MBNL2: variants seen among roughly 807,000 people sequenced by gnomAD.
MBNL2 encodes muscleblind-like protein 2.
A neutral mutation model predicts 41.9 loss-of-function variants in MBNL2; 17 were observed. The observed-to-expected ratio is 0.41, with a 90% CI of 0.28 to 0.61. MBNL2 has a LOEUF of 0.61. MBNL2 is among the 20% of genes least tolerant of loss of function. The pLI, the probability that MBNL2 is intolerant of heterozygous loss-of-function variation, is 0.35. For missense variants in MBNL2, 336 were observed against 505.6 expected, an observed-to-expected ratio of 0.66 and a Z score of 3.22; for synonymous variants, 195 against 182.9, an observed-to-expected ratio of 1.07 and a Z score of -0.53.
the MBNL2 span, among the ~76,000 whole-genome samples, chr13:97,157,335 T>G: frequency 6.7e-6 from 1 of 149,108 alleles, no homozygotes; most frequent in Admixed American, 6.8e-5. Flanking sequence ...TCATGTCATC[T>G]GCAAACAGGG....
chr13:97,391,040 G>C (rs1276161384), intron 8 of MBNL2, among the ~76,000 whole-genome samples: 1 of 152,078 alleles, frequency 6.6e-6, no homozygotes, highest in Admixed American at 6.6e-5. Context: ...AAGAAATTGT[G>C]GTCTAAACAT....
chr13:97,308,948 T>C (rs753057212), intron 2 of MBNL2, among the ~76,000 whole-genome samples: 25 of 152,086 alleles, frequency 1.6e-4, no homozygotes, highest in Non-Finnish European at 3.4e-4. Context: ...TGAGCGGGAC[T>C]GAGGAGTCAT....
In MBNL2 at chr13:97,368,606, A is replaced by G. The variant is rs561596809; in HGVS notation, c.1048+3435A>G. Among the ~76,000 whole-genome samples the G allele has an allele frequency of 3.4e-5, 4 of 119,134 alleles. No individual in the cohort carries two copies. The East Asian group carries it at 1.2e-3, about 35-fold the overall frequency. 78.2% of individuals were successfully genotyped at this position (119,134 alleles called of 152,430 possible). A position where few individuals can be genotyped will look rare whatever the true frequency, so the allele number is the denominator to read the frequency against. ...ATTTTAGCATAATAAATATTTGACCATGTGTCATATATATTGTTCAAGCCT... is the reference window on the plus strand; with the variant it reads ...ATTTTAGCATAATAAATATTTGACCGTGTGTCATATATATTGTTCAAGCCT... On this transcript the variant is annotated intron_variant, in intron 8 of 8. Transcript: ENST00000679496.
chr13:97,296,699 A>G (rs1877605692), intron 2 of MBNL2, among the ~76,000 whole-genome samples: 2 of 152,202 alleles, frequency 1.3e-5, no homozygotes, highest in African/African-American at 4.8e-5. Context: ...AGAGAAAAAT[A>G]CTATTACCAG....
chr13:97,260,834 C>T (rs549883679), intron 1 of MBNL2, among the ~76,000 whole-genome samples: 49 of 152,288 alleles, frequency 3.2e-4, no homozygotes, highest in African/African-American at 1.2e-3. Flanking sequence ...CTTCCCCATC[C>T]ACAGATATGC....
At chr13:97,229,494 G>T (rs764281606) in intron 1 of MBNL2, among the ~76,000 whole-genome samples, 2 of 152,116 alleles carry the variant, frequency 1.3e-5, no homozygotes, top group East Asian at 3.8e-4. Flanking sequence ...ATATTAGCAG[G>T]GTTATGCAAG....
intron 2 of MBNL2, among the ~76,000 whole-genome samples, chr13:97,325,667 C>A (rs979277341): frequency 2.0e-5 from 3 of 152,132 alleles, no homozygotes; most frequent in African/African-American, 7.2e-5. Context: ...GAGGTCGAGA[C>A]TGCAGTGAGC....
Position 97,392,490 on chromosome 13 carries a change from C to T in MBNL2, c.*1041C>T, listed in dbSNP as rs1299961380. On this transcript the variant is annotated 3_prime_UTR_variant, in exon 9 of 9. Transcript: ENST00000679496. ...GACTACAGCATGGAAAAAAATAGTT[C>T]TTTTAATTCTTTCACCTTAAAGCAT... 6.6e-6 allele frequency: 1 copy of T among 152,396 alleles called. No individual in the cohort carries two copies. Among genetic ancestry groups the T allele is most frequent in the Admixed American group, 6.6e-5 (1 of 15,238 alleles). 9.4% of individuals were successfully genotyped at this position (152,396 alleles called of 1,614,324 possible).
intron 3 of MBNL2, among the ~76,000 whole-genome samples, chr13:97,339,030 G>T (rs2061145065): frequency 9.2e-6 from 1 of 108,824 alleles, no homozygotes; most frequent in Admixed American, 9.1e-5. Context: ...GTATGAATGT[G>T]TAGTTAGTGT....
intron 1 of MBNL2, among the ~76,000 whole-genome samples, chr13:97,258,519 C>G (rs1196517731): frequency 6.6e-6 from 1 of 152,122 alleles, no homozygotes; most frequent in Non-Finnish European, 1.5e-5. Flanking sequence ...TCTGCTTTTT[C>G]TGCTGAAGTC....
At chr13:97,316,264 C>T (rs1281068041) in intron 2 of MBNL2, among the ~76,000 whole-genome samples, 1 of 152,198 alleles carries the variant, frequency 6.6e-6, no homozygotes, top group African/African-American at 2.4e-5. Context: ...CACCTTCCTC[C>T]ACTGCCAGCA....
chr13:97,166,782 TGATAGATAGATAGATA>T, the MBNL2 span, among the ~76,000 whole-genome samples: 452 of 139,982 alleles, frequency 3.2e-3, 4 homozygotes, highest in East Asian at 0.013. Context: ...AAACTTCCCT[TGATAGATAGATAGATA>T]GATAGATAGA....
At chr13:97,313,150 GA>G (rs2058750950) in intron 2 of MBNL2, among the ~76,000 whole-genome samples, 1 of 152,184 alleles carries the variant, frequency 6.6e-6, no homozygotes, top group Non-Finnish European at 1.5e-5. Context: ...CCATGAATTG[GA>G]AAGTGGAGGC....
chr13:97,234,638 G>C (rs958780062), intron 1 of MBNL2, among the ~76,000 whole-genome samples: 1 of 152,106 alleles, frequency 6.6e-6, no homozygotes, highest in Non-Finnish European at 1.5e-5. Flanking sequence ...GGCAATGTGC[G>C]GGACACTGGC....
At chr13:97,193,604 T>TTACC in the MBNL2 span, among the ~76,000 whole-genome samples, 1 of 152,218 alleles carries the variant, frequency 6.6e-6, no homozygotes, top group Non-Finnish European at 1.5e-5. Flanking sequence ...TTTGGGATTT[T>TTACC]GTGGGGATTA....
intron 2 of MBNL2, among the ~76,000 whole-genome samples, chr13:97,281,637 C>A (rs1044024225): frequency 6.6e-6 from 1 of 152,150 alleles, no homozygotes; most frequent in Admixed American, 6.5e-5. Context: ...GCAGTGAATT[C>A]TTTGCAGAAA....
the MBNL2 span, among the ~76,000 whole-genome samples, chr13:97,170,041 G>A: frequency 6.6e-6 from 1 of 152,174 alleles, no homozygotes; most frequent in Non-Finnish European, 1.5e-5. Flanking sequence ...CTGCATGACT[G>A]AAATTATTAT....
intron 2 of MBNL2, among the ~76,000 whole-genome samples, chr13:97,311,959 A>T (rs2058652530): frequency 6.6e-6 from 1 of 152,130 alleles, no homozygotes; most frequent in Non-Finnish European, 1.5e-5. Context: ...TTTTCTTTGA[A>T]TGAAGGAAAA....
chr13:97,252,701 C>A (rs1334334461), intron 1 of MBNL2, among the ~76,000 whole-genome samples: 1 of 151,930 alleles, frequency 6.6e-6, no homozygotes, highest in African/African-American at 2.4e-5. Context: ...TTATTGGTTC[C>A]ATTTAATTTT....
Sources: gnomAD v4.1 joint callset for allele counts (sites outside exome capture counted in the v4.1 genomes callset) on GRCh38, gnomAD v4.1.1 for gene constraint, MANE v1.5 for transcripts, NCBI Gene and HGNC (gene_info 2026-07-23, HGNC 2026-07-21) for gene names.